The following ARMC8 variants were observed in gnomAD, a reference collection of about 807,000 sequenced individuals.
The protein encoded by ARMC8 is armadillo repeat containing 8, also known as armadillo repeat-containing protein 8.
A neutral mutation model predicts 99.3 loss-of-function variants in ARMC8; 20 were observed. The ratio of observed to expected loss-of-function variants is 0.20; its 90% CI spans 0.14 to 0.29. The LOEUF is 0.29. ARMC8 is among the 10% of genes least tolerant of loss of function. ARMC8 has a pLI of 1.00. For missense variants in ARMC8, 569 were observed against 809.5 expected, an observed-to-expected ratio of 0.70 and a Z score of 3.60; for synonymous variants, 263 against 278.3, an observed-to-expected ratio of 0.95 and a Z score of 0.55.
chr3:138,245,011 T>C, intron 11 of ARMC8, 77 bp from the exon 12 acceptor site: 2 of 1,524,572 alleles, frequency 1.3e-6, no homozygotes, highest in South Asian at 2.5e-5. Context: ...TAAACTTTTT[T>C]TTTCTTCAAC....
rs199626987 is a variant in ARMC8 at position 138,187,403 on chromosome 3, C to T, written c.-152C>T. The T allele has an allele frequency of 4.3e-6, 3 of 697,540 alleles. No individual in the cohort carries two copies. The highest frequency in any genetic ancestry group is 3.6e-5 in the African/African-American group (2 of 55,416). The allele number at this position is 697,540 out of a possible 1,614,324, so 43.2% of individuals were successfully genotyped here. ...CCCTTTTGCCCTTCTTTCTGCGGGC[C>T]TTTCCGGTACTTGAGCGGTGTCCAG... is the stretch of plus-strand genomic sequence containing the variant. On this transcript the variant is annotated 5_prime_UTR_variant, in exon 1 of 22. Transcript: ENST00000469044.
intron 12 of ARMC8, among the ~76,000 whole-genome samples, chr3:138,252,801 G>A (rs989550248): frequency 7.9e-6 from 1 of 127,286 alleles, no homozygotes; most frequent in Non-Finnish European, 1.6e-5. Flanking sequence ...CCAGTTTGGC[G>A]AAATACCAAA....
intron 14 of ARMC8, among the ~76,000 whole-genome samples, 182 bp from the exon 15 acceptor site, chr3:138,266,973 C>T (rs971898204): frequency 6.6e-6 from 1 of 152,132 alleles, no homozygotes; most frequent in African/African-American, 2.4e-5. Flanking sequence ...GGCGTTAGTC[C>T]GTCATAATTA....
chr3:138,289,768 T>G (rs1193148480), intron 20 of ARMC8, among the ~76,000 whole-genome samples: 1 of 152,108 alleles, frequency 6.6e-6, no homozygotes, highest in Non-Finnish European at 1.5e-5. Flanking sequence ...GTCTCAAGGC[T>G]GGGTTGGCTG....
chr3:138,224,396 G>C (rs1406465483), intron 5 of ARMC8, among the ~76,000 whole-genome samples: 1 of 152,174 alleles, frequency 6.6e-6, no homozygotes, highest in Non-Finnish European at 1.5e-5. Context: ...AAGCTATGAT[G>C]GTGCCCCTGC....
intron 12 of ARMC8, chr3:138,245,991 C>T: frequency 1.0e-6 from 1 of 985,092 alleles, no homozygotes; most frequent in Non-Finnish European, 1.2e-6. Context: ...GCAAATTAGT[C>T]ATTATTTACT....
At chr3:138,220,936 T>A (rs1033221705) in intron 2 of ARMC8, among the ~76,000 whole-genome samples, 5 of 152,140 alleles carry the variant, frequency 3.3e-5, no homozygotes, top group African/African-American at 1.2e-4. Context: ...GCAATCTGCC[T>A]GCCTAGGCCT....
chr3:138,209,806 C>A lies in ARMC8; in HGVS notation c.46-11C>A. On this transcript the variant is annotated splice_polypyrimidine_tract_variant and intron_variant, in intron 1 of 21. Transcript: ENST00000469044. ...GCTTCAGATGTCATAATTTTTCCCCCCACTTTCTAGGAAGTAACAGCTAGC... is the reference window on the plus strand; with the variant it reads ...GCTTCAGATGTCATAATTTTTCCCCACACTTTCTAGGAAGTAACAGCTAGC... 1 of 1,612,758 alleles carries A rather than the reference C, an allele frequency of 6.2e-7. No individual in the cohort carries two copies. Among genetic ancestry groups the A allele is most frequent in the Non-Finnish European group, 8.5e-7 (1 of 1,179,120 alleles).
intron 18 of ARMC8, among the ~76,000 whole-genome samples, chr3:138,281,624 C>T (rs1029437403): frequency 2.0e-5 from 3 of 152,062 alleles, no homozygotes; most frequent in African/African-American, 7.2e-5. Context: ...TGCTTGTCTC[C>T]ATAGGAATAT....
chr3:138,288,990 A>G, intron 19 of ARMC8, 58 bp from the exon 20 acceptor site: 1 of 1,483,402 alleles, frequency 6.7e-7, no homozygotes, highest in Non-Finnish European at 9.3e-7. Flanking sequence ...CCCCCAAAAA[A>G]AAATCTAAAA....
chr3:138,226,245 C>T (rs1370718065), intron 5 of ARMC8, among the ~76,000 whole-genome samples: 1 of 152,186 alleles, frequency 6.6e-6, no homozygotes, highest in Non-Finnish European at 1.5e-5. Flanking sequence ...CCACCCGCCT[C>T]GGCCTCCCAA....
chr3:138,209,977 C>T, intron 2 of ARMC8, 84 bp downstream of exon 2: 2 of 1,011,308 alleles, frequency 2.0e-6, no homozygotes, highest in South Asian at 3.0e-5. Context: ...TTTGAAAATA[C>T]AGGGTTATAC....
rs2050218354 is a variant in ARMC8, at chr3:138,284,509, A to G, written c.1804A>G (p.Lys602Glu). ...LIMTNDDILQ[K>E]IKYYMGHSHV... The stretch of plus-strand genomic sequence containing the variant: ...TATGACCAATGATGATATCCTACAG[A>G]AAATCAAGTATTACATGGTGAGCCC... The change falls in exon 19 of 22, where the codon AAA becomes GAA. Residue 602 changes from lysine to glutamate, a missense_variant. This residue lies in a region of ARMC8 where 227 missense variants were observed against 417.9 expected (regional missense o/e 0.54). Transcript: ENST00000469044. 6.2e-7 allele frequency: 1 copy of G among 1,611,994 alleles called. No homozygotes were observed. Among genetic ancestry groups the G allele is most frequent in the African/African-American group, 1.3e-5 (1 of 74,870 alleles).
intron 10 of ARMC8, 131 bp downstream of exon 10, chr3:138,239,659 A>G (rs1374078741): frequency 1.8e-5 from 9 of 505,254 alleles, no homozygotes; most frequent in Admixed American, 4.1e-5. Flanking sequence ...TAATATTGAA[A>G]GACCATGCTT....
intron 1 of ARMC8, among the ~76,000 whole-genome samples, chr3:138,196,597 G>T (rs575659315): frequency 6.6e-6 from 1 of 152,084 alleles, no homozygotes. Context: ...AGCCAGGCAC[G>T]GTGATTCACG....
In ARMC8 at chr3:138,210,983, C is replaced by A. The variant is rs529602810; in HGVS notation, c.122+1090C>A. Among the ~76,000 whole-genome samples the A allele has an allele frequency of 2.6e-5, 4 of 151,302 alleles. No individual in the cohort carries two copies. The Admixed American group carries it at 2.6e-4, about 10-fold the overall frequency. On this transcript the variant is annotated intron_variant, in intron 2 of 21. Transcript: ENST00000469044. Reference sequence around the variant, plus strand: ...TCACGGCTTCTCAGTTTACAAAAAACGGTGGTATTTCTGGTGTTCTCATTA... The same window carrying A: ...TCACGGCTTCTCAGTTTACAAAAAAAGGTGGTATTTCTGGTGTTCTCATTA...
intron 1 of ARMC8, among the ~76,000 whole-genome samples, chr3:138,208,873 G>T (rs772525700): frequency 1.4e-4 from 22 of 152,086 alleles, no homozygotes; most frequent in Non-Finnish European, 3.2e-4. Flanking sequence ...AAATGAAAAG[G>T]AGGTAAGTGT....
rs568921075 is a variant in ARMC8 at position 138,289,219 on chromosome 3, G to T, written c.1894+99G>T. The T allele has an allele frequency of 2.8e-5, 26 of 918,756 alleles. 1 individual carries two copies. In the South Asian group the frequency reaches 3.9e-4, roughly 14 times the overall value. The allele number at this position is 918,756 out of a possible 1,614,324, so 56.9% of individuals were successfully genotyped here. ...CCCTGAGATCCTGGGCAGAGGCTCT[G>T]TTCTTGGACCATCTGGCCCAAGCAC... is the stretch of plus-strand genomic sequence containing the variant. On this transcript the variant is annotated intron_variant, in intron 20 of 21. Transcript: ENST00000469044.
intron 3 of ARMC8, 127 bp from the exon 4 acceptor site, chr3:138,223,262 G>A (rs2108082439): frequency 1.3e-6 from 1 of 759,660 alleles, no homozygotes; most frequent in Non-Finnish European, 2.1e-6. Context: ...ATAAACAAAT[G>A]ACCATTGGAT....
Sources: gnomAD v4.1 joint callset for allele counts (sites outside exome capture counted in the v4.1 genomes callset) on GRCh38, gnomAD v4.1.1 for gene constraint, gnomAD v4.1.1 regional missense constraint, MANE v1.5 for transcripts, NCBI Gene and HGNC (gene_info 2026-07-23, HGNC 2026-07-21) for gene names.